Variants in GRM5 observed in about 807,000 individuals in gnomAD.
GRM5 encodes the protein metabotropic glutamate receptor 5.
GRM5 carries 19 observed loss-of-function variants against 83.1 expected under a neutral mutation model. That is an observed-to-expected ratio of 0.23 (90% CI 0.16 to 0.34). GRM5 has a LOEUF of 0.34. Ranked by LOEUF, GRM5 falls within the 10% of genes least tolerant of loss-of-function variation. The probability of loss-of-function intolerance (pLI) is 1.00; values close to 1 mark genes in which losing one functional copy is unlikely to be tolerated. For missense variants in GRM5, 1,160 were observed against 1,588.3 expected, an observed-to-expected ratio of 0.73 and a Z score of 4.58; for synonymous variants, 675 against 633.6, an observed-to-expected ratio of 1.07 and a Z score of -0.98.
chr11:88,831,483 GGC>G (rs1943993471), intron 3 of GRM5, among the ~76,000 whole-genome samples: 1 of 152,108 alleles, frequency 6.6e-6, no homozygotes, highest in Non-Finnish European at 1.5e-5. Context: ...CAGGAATCTG[GGC>G]ATCATTCAGC....
chr11:88,843,991 CAA>C (rs1336508596), intron 3 of GRM5, among the ~76,000 whole-genome samples: 1 of 152,190 alleles, frequency 6.6e-6, no homozygotes, highest in Admixed American at 6.5e-5. Context: ...TCTGTAACAT[CAA>C]AGTGCTGGGT....
chr11:89,054,654 TA>T (rs778207155), intron 1 of GRM5, among the ~76,000 whole-genome samples: 8 of 152,234 alleles, frequency 5.3e-5, no homozygotes, highest in Non-Finnish European at 2.9e-5. Flanking sequence ...GGTTCAATGG[TA>T]AGGAATAATC....
intron 3 of GRM5, among the ~76,000 whole-genome samples, chr11:88,700,657 G>A (rs1463730979): frequency 6.6e-6 from 1 of 152,156 alleles, no homozygotes; most frequent in Non-Finnish European, 1.5e-5. Context: ...AGCTCATAGA[G>A]TAATCTACCA....
At chr11:88,642,297 G>A (rs1157389009) in intron 4 of GRM5, among the ~76,000 whole-genome samples, 1 of 152,142 alleles carries the variant, frequency 6.6e-6, no homozygotes, top group Non-Finnish European at 1.5e-5. Flanking sequence ...AAGGGCAGCA[G>A]GGTCCTGGAC....
chr11:89,039,942 C>T (rs1370408028), intron 2 of GRM5, among the ~76,000 whole-genome samples: 1 of 152,188 alleles, frequency 6.6e-6, no homozygotes, highest in Non-Finnish European at 1.5e-5. Flanking sequence ...TGGGTGCACA[C>T]CACCATGTCT....
chr11:88,801,753 G>A (rs1384177872), intron 3 of GRM5, among the ~76,000 whole-genome samples: 1 of 152,054 alleles, frequency 6.6e-6, no homozygotes, highest in Admixed American at 6.6e-5. Context: ...CAAATGAAAG[G>A]CACATTTGCT....
intron 2 of GRM5, among the ~76,000 whole-genome samples, chr11:88,928,427 T>C (rs1945826649): frequency 6.6e-6 from 1 of 151,078 alleles, no homozygotes; most frequent in South Asian, 2.1e-4. Flanking sequence ...GTTTCATCTA[T>C]GGATTGACAA....
At chr11:88,879,009 ATG>A (rs1944904243) in intron 2 of GRM5, among the ~76,000 whole-genome samples, 1 of 152,138 alleles carries the variant, frequency 6.6e-6, no homozygotes, top group South Asian at 2.1e-4. Flanking sequence ...GGTGATAAAA[ATG>A]TGTATATTTG....
At chr11:88,942,459 A>G (rs1938146623) in intron 2 of GRM5, among the ~76,000 whole-genome samples, 1 of 152,076 alleles carries the variant, frequency 6.6e-6, no homozygotes, top group Non-Finnish European at 1.5e-5. Context: ...TAAATCCCAG[A>G]TAAGTGCATC....
intron 3 of GRM5, among the ~76,000 whole-genome samples, chr11:88,718,895 T>C (rs1336720246): frequency 6.6e-6 from 1 of 151,964 alleles, no homozygotes; most frequent in Non-Finnish European, 1.5e-5. Context: ...AAGACTTCAC[T>C]GAGAAATTGA....
At chr11:88,512,848 A>T (rs1941416069) in intron 9 of GRM5, among the ~76,000 whole-genome samples, 1 of 152,224 alleles carries the variant, frequency 6.6e-6, no homozygotes, top group South Asian at 2.1e-4. Context: ...ACTCAATGCC[A>T]TTTTGAACCC....
chr11:88,696,115 G>A (rs546896313), intron 3 of GRM5, among the ~76,000 whole-genome samples: 6 of 152,256 alleles, frequency 3.9e-5, no homozygotes, highest in African/African-American at 1.2e-4. Flanking sequence ...TGAGATGGAT[G>A]GGGAGGCCAG....
At chr11:89,009,827 G>T (rs1444527449) in intron 2 of GRM5, among the ~76,000 whole-genome samples, 1 of 147,578 alleles carries the variant, frequency 6.8e-6, no homozygotes, top group Non-Finnish European at 1.5e-5. Flanking sequence ...CGTGAACCCG[G>T]GAGGCGGAGC....
intron 3 of GRM5, among the ~76,000 whole-genome samples, chr11:88,803,027 A>G (rs1943429918): frequency 7.6e-6 from 1 of 131,922 alleles, no homozygotes; most frequent in Admixed American, 7.2e-5. Context: ...TGCTCAATGA[A>G]ATAAAAGAGG....
At chr11:88,875,253 C>T (rs1001583864) in intron 2 of GRM5, among the ~76,000 whole-genome samples, 2 of 152,018 alleles carry the variant, frequency 1.3e-5, no homozygotes, top group African/African-American at 4.8e-5. Flanking sequence ...TCAAGGCTCA[C>T]AGCATCTTTG....
At chr11:88,720,960 A>C (rs558202598) in intron 3 of GRM5, among the ~76,000 whole-genome samples, 5 of 152,168 alleles carry the variant, frequency 3.3e-5, no homozygotes, top group Admixed American at 2.0e-4. Context: ...ATAAATACAC[A>C]GTGGTTAATG....
intron 1 of GRM5, among the ~76,000 whole-genome samples, chr11:89,049,261 C>A (rs899484056): frequency 3.9e-5 from 6 of 152,142 alleles, no homozygotes; most frequent in African/African-American, 1.4e-4. Context: ...TGAATGTCAT[C>A]ATCTATTTCA....
At chr11:88,833,242 T>C (rs1017542205) in intron 3 of GRM5, among the ~76,000 whole-genome samples, 3 of 151,876 alleles carry the variant, frequency 2.0e-5, no homozygotes, top group Non-Finnish European at 4.4e-5. Flanking sequence ...ATTTAGTATA[T>C]ACAAGGAACT....
At chr11:88,772,831 T>C (rs1942768928) in intron 3 of GRM5, among the ~76,000 whole-genome samples, 1 of 152,240 alleles carries the variant, frequency 6.6e-6, no homozygotes, top group South Asian at 2.1e-4. Context: ...TGACACATTT[T>C]CTTAATCCAG....
Sources: allele counts gnomAD v4.1 joint callset (sites outside exome capture counted in the v4.1 genomes callset), GRCh38; gene constraint gnomAD v4.1.1; transcripts MANE v1.5; gene names NCBI Gene and HGNC (gene_info 2026-07-23, HGNC 2026-07-21).